The following KCNQ3 variants were observed in gnomAD, a reference collection of about 807,000 sequenced individuals.
KCNQ3 encodes potassium voltage-gated channel subfamily KQT member 3.
Under a neutral mutation model 92.5 loss-of-function variants are expected in KCNQ3, and 30 were observed. The ratio of observed to expected loss-of-function variants is 0.32; its 90% CI spans 0.24 to 0.44. The LOEUF (loss-of-function observed/expected upper bound fraction) is 0.44. KCNQ3 is among the 20% of genes least tolerant of loss of function. The pLI is 1.00. For synonymous variants in KCNQ3, 450 were observed against 468.8 expected, an observed-to-expected ratio of 0.96 and a Z score of 0.52; for missense variants, 913 against 1,140.3, an observed-to-expected ratio of 0.80 and a Z score of 2.87.
At chr8:132,206,805 G>A (rs1054829482) in intron 1 of KCNQ3, among the ~76,000 whole-genome samples, 7 of 151,324 alleles carry the variant, frequency 4.6e-5, no homozygotes, top group African/African-American at 1.2e-4. Context: ...TTCTTTCATC[G>A]ATCTTTTGTG....
intron 5 of KCNQ3, among the ~76,000 whole-genome samples, 161 bp from the exon 6 acceptor site, chr8:132,174,510 T>C (rs1299323907): frequency 6.6e-6 from 1 of 152,228 alleles, no homozygotes; most frequent in East Asian, 1.9e-4. Context: ...TACTAACTTA[T>C]ATGGATGCCT....
Position 132,127,541 on chromosome 8 carries a change from T to C in KCNQ3, c.*1721A>G, listed in dbSNP as rs142267427. ...AAATGATGAAACCATCAACCAAATG[T>C]CTGCCATAGCTACTGTGGCTCTTGA... On this transcript the variant is annotated 3_prime_UTR_variant, in exon 15 of 15. Coordinates refer to ENST00000388996, the MANE Select transcript of KCNQ3 (RefSeq NM_004519.4). The C allele has an allele frequency of 9.2e-5, 14 of 152,346 alleles. No homozygotes were observed. In the East Asian group the frequency reaches 2.5e-3, roughly 27 times the overall value. The allele number at this position is 152,346 out of a possible 1,614,324, so 9.4% of individuals were successfully genotyped here. A position where few individuals can be genotyped will look rare whatever the true frequency, so the allele number is the denominator to read the frequency against.
At chr8:132,204,220 T>C (rs1213659831) in intron 1 of KCNQ3, among the ~76,000 whole-genome samples, 1 of 152,242 alleles carries the variant, frequency 6.6e-6, no homozygotes, top group Middle Eastern at 3.2e-3. Flanking sequence ...ACTCTGGGCA[T>C]GTCTGAGCTG....
chr8:132,180,630 C>A (rs559490318), intron 3 of KCNQ3, among the ~76,000 whole-genome samples: 1 of 152,090 alleles, frequency 6.6e-6, no homozygotes, highest in African/African-American at 2.4e-5. Flanking sequence ...CAAGGCCCCC[C>A]GCAGTGTGGT....
intron 1 of KCNQ3, among the ~76,000 whole-genome samples, chr8:132,448,502 GA>G: frequency 0.61 from 56,853 of 93,744 alleles, 15,505 homozygotes; most frequent in East Asian, 0.8. Flanking sequence ...GGAGAAATAT[GA>G]AAAAAAAAAA....
At chr8:132,307,552 T>C (rs1411685839) in intron 1 of KCNQ3, among the ~76,000 whole-genome samples, 1 of 152,206 alleles carries the variant, frequency 6.6e-6, no homozygotes, top group African/African-American at 2.4e-5. Flanking sequence ...AAAGAGCCTT[T>C]CTAGATTCAA....
intron 1 of KCNQ3, among the ~76,000 whole-genome samples, chr8:132,442,775 C>T (rs888358983): frequency 3.9e-5 from 6 of 152,222 alleles, no homozygotes; most frequent in African/African-American, 1.4e-4. Flanking sequence ...AAAGCATTTC[C>T]CTTTGAACAT....
Position 132,373,740 on chromosome 8 carries a change from A to T in KCNQ3, c.386+106407T>A, listed in dbSNP as rs569573574. ...CCCACTGGACAAAGCTTAGCACCTG[A>T]CAGATACAGGTGCCCAGTGAGCTCT... On this transcript the variant is annotated intron_variant, in intron 1 of 14. Transcript: ENST00000388996. Among the ~76,000 whole-genome samples, 5 of 152,280 alleles carry T rather than the reference A, an allele frequency of 3.3e-5. No homozygotes were observed. The South Asian group carries it at 1.0e-3, about 32-fold the overall frequency.
rs2130922925 is a variant in KCNQ3 at position 132,129,456 on chromosome 8, T to C, written c.2425A>G (p.Ile809Val). 2 of 1,614,204 alleles carry C rather than the reference T, an allele frequency of 1.2e-6. No homozygotes were observed. Among genetic ancestry groups the C allele is most frequent in the Non-Finnish European group, 1.7e-6 (2 of 1,180,036 alleles). The change falls in exon 15 of 15, where the codon ATC becomes GTC. Residue 809 changes from isoleucine to valine, a missense_variant. Around this residue, in one of 6 missense-constraint regions of KCNQ3, gnomAD observed 375 missense variants for 376.4 expected, o/e 1.00. Coordinates refer to ENST00000388996, the MANE Select transcript of KCNQ3 (RefSeq NM_004519.4). This position sits in a 1 kb window ranked among gnomAD's most constrained non-coding sequence, Gnocchi z 5.9. ...ACATAATCATCTCTGTCCTGGGAGA[T>C]GCTGAAGCCACTTGGAGACCTCTCC... ...ELERSPSGFS[I>V]SQDRDDYVFG...
intron 1 of KCNQ3, among the ~76,000 whole-genome samples, chr8:132,250,456 T>C (rs961884038): frequency 2.6e-5 from 4 of 152,146 alleles, no homozygotes; most frequent in Non-Finnish European, 5.9e-5. Context: ...AACTAGGAAA[T>C]AGTGTGTCGT....
At chr8:132,346,050 G>C (rs1197457350) in intron 1 of KCNQ3, among the ~76,000 whole-genome samples, 2 of 152,052 alleles carry the variant, frequency 1.3e-5, no homozygotes, top group Admixed American at 6.6e-5. Context: ...TGATGGTGAT[G>C]GTGATGATGG....
At chr8:132,358,994 C>T (rs934499813) in intron 1 of KCNQ3, among the ~76,000 whole-genome samples, 18 of 152,176 alleles carry the variant, frequency 1.2e-4, no homozygotes, top group Non-Finnish European at 2.9e-5. Context: ...TGGAATTCTG[C>T]CTCCAATACT....
chr8:132,150,758 C>T (rs1272194815), intron 9 of KCNQ3, among the ~76,000 whole-genome samples: 1 of 151,716 alleles, frequency 6.6e-6, no homozygotes, highest in Non-Finnish European at 1.5e-5. Context: ...GTCAATAATC[C>T]AAATAGGAGA....
chr8:132,336,699 C>T (rs1235999955), intron 1 of KCNQ3, among the ~76,000 whole-genome samples: 2 of 152,170 alleles, frequency 1.3e-5, no homozygotes, highest in East Asian at 1.9e-4. Context: ...GTGCTCACTC[C>T]CTCTCCCTCC....
At chr8:132,402,335 C>T (rs1436741995) in intron 1 of KCNQ3, among the ~76,000 whole-genome samples, 14 of 152,186 alleles carry the variant, frequency 9.2e-5, no homozygotes, top group Non-Finnish European at 2.1e-4. Flanking sequence ...AGAACTTGCT[C>T]GGCTTCTGGT....
intron 1 of KCNQ3, among the ~76,000 whole-genome samples, chr8:132,313,536 T>C (rs1319252560): frequency 6.6e-6 from 1 of 152,174 alleles, no homozygotes; most frequent in African/African-American, 2.4e-5. Flanking sequence ...AATCACTTAA[T>C]TATTTGTATC....
chr8:132,450,537 A>G (rs979091766), intron 1 of KCNQ3, among the ~76,000 whole-genome samples: 19 of 152,296 alleles, frequency 1.2e-4, no homozygotes, highest in Non-Finnish European at 2.5e-4. Flanking sequence ...CTCCCCCAGG[A>G]AAACAGCTTC....
chr8:132,182,654 A>G (rs977846222), intron 3 of KCNQ3, among the ~76,000 whole-genome samples: 20 of 152,330 alleles, frequency 1.3e-4, no homozygotes, highest in Admixed American at 1.2e-3. Context: ...ATGTGGGCAC[A>G]ATCCATCATA....
intron 1 of KCNQ3, among the ~76,000 whole-genome samples, chr8:132,314,900 G>A (rs115356255): frequency 3.3e-5 from 5 of 152,268 alleles, no homozygotes; most frequent in African/African-American, 1.2e-4. Flanking sequence ...AATATGCAAC[G>A]CATGCTGTGA....
Sources: gnomAD v4.1 joint callset for allele counts (sites outside exome capture counted in the v4.1 genomes callset) on GRCh38, gnomAD v4.1.1 for gene constraint, gnomAD v4.1.1 regional missense constraint, Gnocchi (gnomAD v3.1) non-coding constraint, MANE v1.5 for transcripts, NCBI Gene and HGNC (gene_info 2026-07-23, HGNC 2026-07-21) for gene names.